Variants in MTHFD2L observed in about 807,000 individuals in gnomAD.
MTHFD2L encodes the protein bifunctional methylenetetrahydrofolate dehydrogenase/cyclohydrolase 2, mitochondrial.
In MTHFD2L, 29 loss-of-function variants were observed where a neutral mutation model predicts 34.9. That is an observed-to-expected ratio of 0.83 (90% CI 0.62 to 1.13). The LOEUF (loss-of-function observed/expected upper bound fraction) is 1.13, where lower values mean the gene tolerates loss of function less well. Among genes scored for constraint, MTHFD2L ranks in the 50% most tolerant of loss-of-function variants. The pLI is 0.00. For missense variants in MTHFD2L, 481 were observed against 446.5 expected, an observed-to-expected ratio of 1.08 and a Z score of -0.70; for synonymous variants, 167 against 155.7, an observed-to-expected ratio of 1.07 and a Z score of -0.54.
chr4:74,129,000 G>A (rs549091111), intron 1 of MTHFD2L, among the ~76,000 whole-genome samples: 17 of 151,862 alleles, frequency 1.1e-4, no homozygotes, highest in Admixed American at 5.9e-4. Context: ...TTCCTTAGTG[G>A]TTAAGTGATT....
intron 5 of MTHFD2L, among the ~76,000 whole-genome samples, chr4:74,212,351 A>G (rs1031888406): frequency 2.0e-5 from 3 of 152,170 alleles, no homozygotes; most frequent in Non-Finnish European, 2.9e-5. Flanking sequence ...ATTTTCCTCT[A>G]AAGACCACAT....
chr4:74,267,991 T>C, intron 6 of MTHFD2L: 1 of 985,254 alleles, frequency 1.0e-6, no homozygotes, highest in South Asian at 4.7e-5. Context: ...TCAGATATTG[T>C]CCTTGGCATG....
intron 6 of MTHFD2L, among the ~76,000 whole-genome samples, chr4:74,238,933 C>G (rs1741273377): frequency 6.6e-6 from 1 of 152,178 alleles, no homozygotes; most frequent in African/African-American, 2.4e-5. Context: ...ATGGTGGTTC[C>G]TCAAGGATCT....
At chr4:74,225,500 T>G in intron 6 of MTHFD2L, 106 bp downstream of exon 6, 2 of 810,872 alleles carry the variant, frequency 2.5e-6, no homozygotes, top group East Asian at 2.5e-5. Context: ...GCTTTATGTA[T>G]GACTAACTTC....
At chr4:74,296,641 A>G (rs1302399110) in intron 7 of MTHFD2L, among the ~76,000 whole-genome samples, 2 of 152,072 alleles carry the variant, frequency 1.3e-5, no homozygotes, top group East Asian at 3.8e-4. Context: ...AATTTTCTCC[A>G]TTCCGTTTAT....
chr4:74,158,086 G>C (rs1442533192), upstream of MTHFD2L: 13 of 1,532,306 alleles, frequency 8.5e-6, no homozygotes, highest in East Asian at 4.9e-5. Flanking sequence ...CAGCCGCGAG[G>C]ACTGGAGTCG....
chr4:74,126,339 A>G (rs1722069880), intron 1 of MTHFD2L, among the ~76,000 whole-genome samples: 1 of 152,172 alleles, frequency 6.6e-6, no homozygotes, highest in Non-Finnish European at 1.5e-5. Flanking sequence ...TGAACTATAT[A>G]TACATTTCGG....
intron 5 of MTHFD2L, among the ~76,000 whole-genome samples, chr4:74,204,888 G>C (rs1735036949): frequency 6.6e-6 from 1 of 151,908 alleles, no homozygotes; most frequent in South Asian, 2.1e-4. Context: ...GTGACCTCTG[G>C]GGAAAGAATT....
At chr4:74,191,383 A>G (rs1487981473) in intron 3 of MTHFD2L, among the ~76,000 whole-genome samples, 2 of 150,964 alleles carry the variant, frequency 1.3e-5, no homozygotes, top group East Asian at 1.9e-4. Flanking sequence ...TTTCATGTCC[A>G]GAAAGGAAGA....
rs1738955174 is a variant in MTHFD2L, at chr4:74,225,248, T to C, written c.713-54T>C. 3.7e-6 allele frequency: 5 copies of C among 1,340,358 alleles called. No individual in the cohort carries two copies. The East Asian group carries it at 1.2e-4, about 31-fold the overall frequency. 83.0% of individuals were successfully genotyped at this position (1,340,358 alleles called of 1,614,324 possible). ...GAAACTCTTCTGGATTTAGAGCATT[T>C]ATAAAATTTTTAAAAGTTCAGTAAT... On this transcript the variant is annotated intron_variant, in intron 5 of 7. Coordinates refer to ENST00000325278, the MANE Select transcript of MTHFD2L (RefSeq NM_001144978.3).
At chr4:74,297,397 T>C (rs1749760862) in intron 7 of MTHFD2L, among the ~76,000 whole-genome samples, 1 of 152,046 alleles carries the variant, frequency 6.6e-6, no homozygotes, top group African/African-American at 2.4e-5. Flanking sequence ...TAATCTCATA[T>C]GAAAGGGCTG....
intron 5 of MTHFD2L, among the ~76,000 whole-genome samples, chr4:74,203,482 A>C (rs976486165): frequency 4.6e-5 from 7 of 152,296 alleles, no homozygotes; most frequent in Admixed American, 2.6e-4. Context: ...AAGAGGCTTA[A>C]TTTGCTCACG....
chr4:74,160,259 A>T (rs1215436762), intron 1 of MTHFD2L: 3 of 393,108 alleles, frequency 7.6e-6, no homozygotes, highest in Non-Finnish European at 1.4e-5. Context: ...ATTGCCTTTG[A>T]GTTTGATAAA....
chr4:74,180,143 T>C (rs927691984), intron 3 of MTHFD2L, among the ~76,000 whole-genome samples: 13 of 152,148 alleles, frequency 8.5e-5, no homozygotes, highest in Non-Finnish European at 1.5e-4. Flanking sequence ...AAATTGTCTC[T>C]TGGTTATGAA....
At chr4:74,267,336 T>G in intron 6 of MTHFD2L, 1 of 626,386 alleles carries the variant, frequency 1.6e-6, no homozygotes, top group South Asian at 7.1e-5. Context: ...TCTTTCTTTC[T>G]TCCTTTCTTT....
chr4:74,187,287 C>G (rs973363525), intron 3 of MTHFD2L, among the ~76,000 whole-genome samples: 3 of 151,982 alleles, frequency 2.0e-5, no homozygotes, highest in Admixed American at 6.6e-5. Context: ...AAACCCAAAC[C>G]GCTCCAGAAT....
chr4:74,149,206 G>C (rs1723783766), intron 1 of MTHFD2L, among the ~76,000 whole-genome samples: 1 of 151,784 alleles, frequency 6.6e-6, no homozygotes, highest in Non-Finnish European at 1.5e-5. Flanking sequence ...GTGGTTTCCT[G>C]CTGTTGGGTT....
At chr4:74,154,409 C>T (rs1290773166), upstream of MTHFD2L, among the ~76,000 whole-genome samples, 1 of 152,098 alleles carries the variant, frequency 6.6e-6, no homozygotes, top group East Asian at 1.9e-4. Context: ...AGTGGAGTAT[C>T]TACATAAATT....
chr4:74,195,487 A>T (rs1479739597), intron 3 of MTHFD2L: 6 of 152,216 alleles, frequency 3.9e-5, no homozygotes, highest in Non-Finnish European at 8.8e-5. Flanking sequence ...ATATATTATT[A>T]TGAAGAAAGT....
Sources: allele counts gnomAD v4.1 joint callset (sites outside exome capture counted in the v4.1 genomes callset), GRCh38; gene constraint gnomAD v4.1.1; transcripts MANE v1.5; gene names NCBI Gene and HGNC (gene_info 2026-07-23, HGNC 2026-07-21).